Variants in FAF1 observed in about 807,000 individuals in gnomAD.
The protein encoded by FAF1 is FAS-associated factor 1.
A neutral mutation model predicts 92.5 loss-of-function variants in FAF1; 25 were observed. That is an observed-to-expected ratio of 0.27 (90% CI 0.20 to 0.38). The LOEUF (loss-of-function observed/expected upper bound fraction) is 0.38, where lower values mean the gene tolerates loss of function less well. Ranked by LOEUF, FAF1 falls within the 10% of genes least tolerant of loss-of-function variation. The probability of loss-of-function intolerance (pLI) is 1.00; values close to 1 mark genes in which losing one functional copy is unlikely to be tolerated. For synonymous variants in FAF1, 234 were observed against 273.2 expected, an observed-to-expected ratio of 0.86 and a Z score of 1.42; for missense variants, 636 against 793.3, an observed-to-expected ratio of 0.80 and a Z score of 2.38.
chr1:50,448,022 T>C (rs1000759033), intron 18 of FAF1, among the ~76,000 whole-genome samples: 10 of 152,210 alleles, frequency 6.6e-5, no homozygotes, highest in African/African-American at 2.2e-4. Flanking sequence ...GTCAGTGGAG[T>C]AAACTGGATT....
intron 7 of FAF1, among the ~76,000 whole-genome samples, chr1:50,663,676 T>A (rs1037843207): frequency 6.6e-6 from 1 of 151,616 alleles, no homozygotes; most frequent in Non-Finnish European, 1.5e-5. Context: ...GTGCTAGGAT[T>A]ACTGGCGTGA....
chr1:50,861,874 G>A (rs1487704254), intron 1 of FAF1, among the ~76,000 whole-genome samples: 1 of 151,756 alleles, frequency 6.6e-6, no homozygotes, highest in Non-Finnish European at 1.5e-5. Flanking sequence ...ATCTGCAAGT[G>A]AGAAAGAGAG....
At chr1:50,620,640 C>T (rs759809365) in intron 8 of FAF1, among the ~76,000 whole-genome samples, 1 of 152,132 alleles carries the variant, frequency 6.6e-6, no homozygotes, top group Non-Finnish European at 1.5e-5. Context: ...TTTTCAACTG[C>T]GAGAGTTCTT....
At chr1:50,656,042 T>C (rs1655095041) in intron 7 of FAF1, among the ~76,000 whole-genome samples, 2 of 152,064 alleles carry the variant, frequency 1.3e-5, no homozygotes, top group South Asian at 4.2e-4. Flanking sequence ...ATTATTAAAG[T>C]AGCACAGGGC....
intron 1 of FAF1, among the ~76,000 whole-genome samples, chr1:50,880,281 G>C (rs1467981296): frequency 6.6e-6 from 1 of 152,096 alleles, no homozygotes; most frequent in Non-Finnish European, 1.5e-5. Context: ...TTAAAAAAAG[G>C]GAAAAAGGGC....
At chr1:50,518,277 CTGTA>C (rs1273704953) in intron 15 of FAF1, among the ~76,000 whole-genome samples, 1 of 152,176 alleles carries the variant, frequency 6.6e-6, no homozygotes, top group African/African-American at 2.4e-5. Flanking sequence ...ATTCAAGCTG[CTGTA>C]TGTATCAAAA....
chr1:50,857,054 A>C (rs758577645), intron 2 of FAF1, among the ~76,000 whole-genome samples: 16 of 151,802 alleles, frequency 1.1e-4, no homozygotes, highest in Non-Finnish European at 2.4e-4. Flanking sequence ...AAGGTAATTA[A>C]TATTTTCTTT....
intron 2 of FAF1, among the ~76,000 whole-genome samples, chr1:50,809,439 C>A (rs1053397006): frequency 5.3e-5 from 8 of 152,098 alleles, no homozygotes; most frequent in African/African-American, 1.9e-4. Flanking sequence ...AACATTACCA[C>A]CAAATCCAGA....
chr1:50,843,212 T>C (rs1032806944), intron 2 of FAF1, among the ~76,000 whole-genome samples: 1 of 152,170 alleles, frequency 6.6e-6, no homozygotes, highest in Non-Finnish European at 1.5e-5. Flanking sequence ...GTGTCACATA[T>C]GTGATAAGAG....
rs1370764735 is a variant in FAF1 at position 50,583,759 on chromosome 1, C to A, written c.968-44G>T. On this transcript the variant is annotated intron_variant, in intron 10 of 18. Transcript: ENST00000396153. The surrounding 1 kb of genome is among the most constrained non-coding windows in gnomAD (Gnocchi z 4.2). The stretch of plus-strand genomic sequence containing the variant: ...AAAAAACAAAAACAAAAAAACAAAA[C>A]AAATAGACACAAAAACAAACCACAT... 7.7e-6 allele frequency: 10 copies of A among 1,291,388 alleles called. No individual in the cohort carries two copies. The highest frequency in any genetic ancestry group is 1.3e-5 in the South Asian group (1 of 75,160). 80.0% of individuals were successfully genotyped at this position (1,291,388 alleles called of 1,614,324 possible). A position where few individuals can be genotyped will look rare whatever the true frequency, so the allele number is the denominator to read the frequency against.
Position 50,852,249 on chromosome 1 carries a change from C to T in FAF1, c.114+5680G>A, listed in dbSNP as rs539998034. 4.6e-5 allele frequency among the ~76,000 whole-genome samples: 7 copies of T among 152,296 alleles called. No homozygotes were observed. The East Asian group carries it at 1.2e-3, about 25-fold the overall frequency. On this transcript the variant is annotated intron_variant, in intron 2 of 18. Coordinates refer to ENST00000396153, the MANE Select transcript of FAF1 (RefSeq NM_007051.3). ...TGGGTTGTCCCGCTCTTTCCTCAAA[C>T]CTTATGTTTGCCAGACAAGAAAAAG...
At chr1:50,655,119 G>C (rs762040387) in intron 8 of FAF1, among the ~76,000 whole-genome samples, 13 of 151,504 alleles carry the variant, frequency 8.6e-5, no homozygotes, top group Admixed American at 7.9e-4. Flanking sequence ...AGAGGCGGCC[G>C]CCAAGTGATT....
chr1:50,886,255 TGTA>T (rs1644662868), intron 1 of FAF1, among the ~76,000 whole-genome samples: 1 of 152,224 alleles, frequency 6.6e-6, no homozygotes, highest in African/African-American at 2.4e-5. Context: ...TAACACTTCT[TGTA>T]GGACAGGTCT....
chr1:50,914,932 T>A (rs1314848030), intron 1 of FAF1, among the ~76,000 whole-genome samples: 2 of 152,238 alleles, frequency 1.3e-5, no homozygotes, highest in African/African-American at 4.8e-5. Context: ...ATTTCTGCAA[T>A]AGTTTCCTAA....
rs536521728 is a variant in FAF1, at chr1:50,831,515, C to A, written c.114+26414G>T. On this transcript the variant is annotated intron_variant, in intron 2 of 18. Transcript: ENST00000396153. ...AGCAAAGAATATATCTGCCGTCTTT[C>A]TCTACACCGTCCCCTTGTACAGTGT... Among the ~76,000 whole-genome samples, 218 of 152,242 alleles carry A rather than the reference C, an allele frequency of 1.4e-3. 1 individual carries two copies. The highest frequency in any genetic ancestry group is 6.8e-3 in the Middle Eastern group (2 of 294).
intron 1 of FAF1, among the ~76,000 whole-genome samples, chr1:50,937,426 T>C (rs535465307): frequency 9.2e-5 from 14 of 152,130 alleles, no homozygotes; most frequent in South Asian, 4.1e-4. Flanking sequence ...GGGGCGCAGA[T>C]TCTGTATAGG....
At chr1:50,460,433 T>C (rs185206860) in intron 18 of FAF1, among the ~76,000 whole-genome samples, 115 of 152,300 alleles carry the variant, frequency 7.6e-4, no homozygotes, top group Admixed American at 1.3e-3. Context: ...TGTTCCTAAG[T>C]AAAGGAGGGC....
Position 50,788,075 on chromosome 1 carries a change from G to A in FAF1, c.292C>T (p.Pro98Ser), listed in dbSNP as rs541059371. Reference protein sequence around the residue: ...MPSRQIVERQPRMLDFRVEYR... With the variant: ...MPSRQIVERQSRMLDFRVEYR... ...TCAACCCTGAAGTCCAGCATCCGAGGTTGCCTTTCTACAATCTGCCTGGAT... is the reference window on the plus strand; with the variant it reads ...TCAACCCTGAAGTCCAGCATCCGAGATTGCCTTTCTACAATCTGCCTGGAT... The change falls in exon 4 of 19, where the codon CCT becomes TCT. Residue 98 changes from proline to serine, a missense_variant. By Grantham distance (74) the Pro-to-Ser change is moderately conservative. Transcript: ENST00000396153. 7.4e-6 allele frequency: 12 copies of A among 1,614,114 alleles called. No homozygotes were observed. The South Asian group carries it at 1.3e-4, about 18-fold the overall frequency.
At chr1:50,665,958 C>G (rs1488128716) in intron 7 of FAF1, among the ~76,000 whole-genome samples, 2 of 152,038 alleles carry the variant, frequency 1.3e-5, no homozygotes, top group African/African-American at 2.4e-5. Flanking sequence ...GGGCGGATCC[C>G]TTGAGGTCAG....
Sources: gnomAD v4.1 joint callset for allele counts (sites outside exome capture counted in the v4.1 genomes callset) on GRCh38, gnomAD v4.1.1 for gene constraint, Gnocchi (gnomAD v3.1) non-coding constraint, MANE v1.5 for transcripts, NCBI Gene and HGNC (gene_info 2026-07-23, HGNC 2026-07-21) for gene names.